SZT2: variants seen among roughly 807,000 people sequenced by gnomAD.
The protein encoded by SZT2 is SZT2 subunit of KICSTOR complex, also known as KICSTOR complex protein SZT2.
Under a neutral mutation model 404.2 loss-of-function variants are expected in SZT2, and 216 were observed. The observed-to-expected ratio is 0.53, with a 90% CI of 0.48 to 0.60. The LOEUF (loss-of-function observed/expected upper bound fraction) is 0.60, where lower values mean the gene tolerates loss of function less well. Ranked by LOEUF, SZT2 falls within the 20% of genes least tolerant of loss-of-function variation. The probability of loss-of-function intolerance (pLI) is 0.00; values close to 1 mark genes in which losing one functional copy is unlikely to be tolerated. For missense variants in SZT2, 3,857 were observed against 4,459.2 expected (o/e 0.86, Z 3.85); for synonymous variants, 1,693 against 1,749.9 (o/e 0.97, Z 0.81).
At chr1:43,394,088 A>T in intron 1 of SZT2, 1 of 985,220 alleles carries the variant, frequency 1.0e-6, no homozygotes, top group Non-Finnish European at 1.2e-6. Context: ...TCATATGAGG[A>T]CTTGAAGCTC....
chr1:43,430,249 C>T (rs1485009399), intron 30 of SZT2, 62 bp from the exon 31 acceptor site: 2 of 1,591,304 alleles, frequency 1.3e-6, no homozygotes, highest in South Asian at 1.1e-5. Context: ...TGTAATCCCA[C>T]TTGCCTAGGA....
At chr1:43,446,803 C>G in intron 65 of SZT2, 152 bp from the exon 66 acceptor site, 1 of 756,312 alleles carries the variant, frequency 1.3e-6, no homozygotes, top group Non-Finnish European at 2.1e-6. Context: ...AATGGGGAGG[C>G]CTTCCCACAG....
chr1:43,399,690 T>C (rs527731531), intron 1 of SZT2, among the ~76,000 whole-genome samples: 2 of 152,190 alleles, frequency 1.3e-5, no homozygotes, highest in South Asian at 4.2e-4. Flanking sequence ...CTCGATCTCC[T>C]GACCTCGTGA....
chr1:43,398,217 T>C (rs1649233824), intron 1 of SZT2, among the ~76,000 whole-genome samples: 1 of 152,182 alleles, frequency 6.6e-6, no homozygotes, highest in Admixed American at 6.5e-5. Context: ...TTGTACTAAT[T>C]ATGATTAGTT....
In SZT2 at chr1:43,445,883, C is replaced by G; in HGVS notation, c.8826-11C>G. ...CTGCCTCATCCTCTTATCCCTCCTC[C>G]TTTTCTATAGCACCAGCCGGCCACG... is the stretch of plus-strand genomic sequence containing the variant. On this transcript the variant is annotated splice_polypyrimidine_tract_variant and intron_variant, in intron 62 of 71. Coordinates refer to ENST00000634258, the MANE Select transcript of SZT2 (RefSeq NM_001365999.1). The G allele has an allele frequency of 6.2e-7, 1 of 1,614,092 alleles. No individual in the cohort carries two copies. The highest frequency in any genetic ancestry group is 8.5e-7 in the Non-Finnish European group (1 of 1,179,944).
chr1:43,452,634 G>A lies in SZT2; in HGVS notation c.*2154G>A. 1 of 596,342 alleles carries A rather than the reference G, an allele frequency of 1.7e-6. No individual in the cohort carries two copies. The highest frequency in any genetic ancestry group is 3.0e-6 in the Non-Finnish European group (1 of 334,066). The allele number at this position is 596,342 out of a possible 1,614,324, so 36.9% of individuals were successfully genotyped here. A position where few individuals can be genotyped will look rare whatever the true frequency, so the allele number is the denominator to read the frequency against. On this transcript the variant is annotated 3_prime_UTR_variant, in exon 72 of 72. Coordinates refer to ENST00000634258, the MANE Select transcript of SZT2 (RefSeq NM_001365999.1). ...ACCTTTAAAAATTGTCCTGACCTTT[G>A]CTTGCCCTTCTCAGGTATTCCATGC...
At position 43,425,296 on chromosome 1, in the gene SZT2, G is replaced by A. The variant is rs952874538; in HGVS notation, c.2645+89G>A. ...AGGTCTGGCTCCCATATCCTGAGAT[G>A]ATCTTGATCCCAAAGTCAGGGAGGG... On this transcript the variant is annotated intron_variant, in intron 18 of 71. Coordinates refer to ENST00000634258, the MANE Select transcript of SZT2 (RefSeq NM_001365999.1). The surrounding 1 kb of genome is among the most constrained non-coding windows in gnomAD (Gnocchi z 4.3). 2 of 1,548,982 alleles carry A rather than the reference G, an allele frequency of 1.3e-6. No individual in the cohort carries two copies. The highest frequency in any genetic ancestry group is 8.8e-7 in the Non-Finnish European group (1 of 1,132,176).
At chr1:43,421,018 A>C in intron 10 of SZT2, 35 bp downstream of exon 10, 2 of 1,594,776 alleles carry the variant, frequency 1.3e-6, no homozygotes, top group Non-Finnish European at 1.7e-6. Context: ...GTGCTGCCCC[A>C]TTTGTTGTAT....
At chr1:43,445,731 A>G in intron 62 of SZT2, 163 bp from the exon 63 acceptor site, 1 of 709,500 alleles carries the variant, frequency 1.4e-6, no homozygotes, top group Non-Finnish European at 2.5e-6. Flanking sequence ...CTTGCAGTCT[A>G]GACCTGGACT....
In SZT2 at chr1:43,430,338, A is replaced by T; in HGVS notation, c.4429A>T (p.Arg1477Ter). The T allele has an allele frequency of 1.2e-6, 2 of 1,611,628 alleles. No individual in the cohort carries two copies. Among genetic ancestry groups the T allele is most frequent in the Non-Finnish European group, 1.7e-6 (2 of 1,179,362 alleles). Residue 1477 changes from arginine (R) to a stop codon, truncating the protein, a stop_gained, in exon 31 of 72, where the codon AGA (arginine) becomes TGA (stop). Transcript: ENST00000634258. LOFTEE classifies it high-confidence loss of function. ...EDEGPRDTVDRKISDLEFSEA... is the reference protein window; with the variant it reads ...EDEGPRDTVD ...TGAGGGGCCTCGGGACACAGTAGAC[A>T]GAAAAATCAGTGACCTGGAGTTTTC...
At position 43,439,740 on chromosome 1, in the gene SZT2, G is replaced by T; in HGVS notation, c.7013G>T (p.Arg2338Leu). 6.2e-7 allele frequency: 1 copy of T among 1,605,192 alleles called. No individual in the cohort carries two copies. Among genetic ancestry groups the T allele is most frequent in the African/African-American group, 1.3e-5 (1 of 74,848 alleles). ...TTTGAGCAACTGACCCAGGTCATCC[G>T]CTGCCCGGTTGTTGTGGACAGTTCT... is the stretch of plus-strand genomic sequence containing the variant. The part of the protein sequence containing the change: ...EEFEQLTQVI[R>L]CPVVVDSSSA... The change falls in exon 50 of 72, where the codon CGC becomes CTC. Residue 2338 changes from arginine (R) to leucine (L), a missense_variant. Arg to Leu is a moderately radical substitution (Grantham distance 102). Coordinates refer to ENST00000634258, the MANE Select transcript of SZT2 (RefSeq NM_001365999.1). This position sits in a 1 kb window ranked among gnomAD's most constrained non-coding sequence, Gnocchi z 4.2.
At position 43,449,952 on chromosome 1, in the gene SZT2, C is replaced by T. The variant is rs1210825298; in HGVS notation, c.10087-151C>T. On this transcript the variant is annotated intron_variant, in intron 70 of 71. Coordinates refer to ENST00000634258, the MANE Select transcript of SZT2 (RefSeq NM_001365999.1). ...GCCAGCGAGGATGAGGACTGAGGCT[C>T]AATTTGGAGACACGGTCCTATGTGA... The T allele has an allele frequency of 6.8e-6, 6 of 878,876 alleles. No homozygotes were observed. In the Admixed American group the frequency reaches 8.1e-5, roughly 12 times the overall value. 54.4% of individuals were successfully genotyped at this position (878,876 alleles called of 1,614,324 possible).
chr1:43,446,929 C>T, intron 65 of SZT2, 26 bp from the exon 66 acceptor site: 3 of 1,599,604 alleles, frequency 1.9e-6, no homozygotes, highest in South Asian at 2.2e-5. Context: ...ATACCTTAAC[C>T]CTGTCTCCTG....
rs370044946 is a variant in SZT2 at position 43,441,673 on chromosome 1, C to T, written c.7610-13C>T. 114 of 1,614,020 alleles carry T rather than the reference C, an allele frequency of 7.1e-5. 1 individual carries two copies. The highest frequency in any genetic ancestry group is 8.7e-5 in the Non-Finnish European group (103 of 1,180,006). Reference sequence around the variant, plus strand: ...CCATCCTGCAGCTCCACAGTGACTCCTCTGCCTCCTAGGTTGTGCCTCAGT... The same window carrying T: ...CCATCCTGCAGCTCCACAGTGACTCTTCTGCCTCCTAGGTTGTGCCTCAGT... On this transcript the variant is annotated splice_polypyrimidine_tract_variant and intron_variant, in intron 54 of 71. Transcript: ENST00000634258. The surrounding 1 kb of genome is among the most constrained non-coding windows in gnomAD (Gnocchi z 4.8).
At chr1:43,395,833 T>A (rs372614290) in intron 1 of SZT2, among the ~76,000 whole-genome samples, 13 of 152,346 alleles carry the variant, frequency 8.5e-5, no homozygotes, top group African/African-American at 3.1e-4. Context: ...CATGCATGCT[T>A]ACCTTGCCTT....
rs1419150670 is a variant in SZT2 at position 43,442,497 on chromosome 1, C to T, written c.8030C>T (p.Ala2677Val). ...GACCTGGGGGCAGCATTGGGCCGAG[C>T]GCTGGTTCGCCTGGTGCAGTGGCAG... ...APDLGAALGRALVRLVQWQNA... is the reference protein window; with the variant it reads ...APDLGAALGRVLVRLVQWQNA... The change falls in exon 58 of 72, where the codon GCG becomes GTG. Residue 2677 changes from alanine to valine, a missense_variant. Physicochemically the swap from Ala to Val is moderately conservative, Grantham distance 64 (BLOSUM62 0). This residue lies in a region of SZT2 where 573 missense variants were observed against 592.4 expected (regional missense o/e 0.97). Transcript: ENST00000634258. The surrounding 1 kb of genome is among the most constrained non-coding windows in gnomAD (Gnocchi z 4.5). 6 of 1,614,002 alleles carry T rather than the reference C, an allele frequency of 3.7e-6. No individual in the cohort carries two copies. The highest frequency in any genetic ancestry group is 2.7e-5 in the African/African-American group (2 of 74,926).
In SZT2 at chr1:43,447,008, G is replaced by A. The variant is rs1362360430; in HGVS notation, c.9126G>A (p.Val3042=). The A allele has an allele frequency of 1.2e-6, 2 of 1,613,766 alleles. No individual in the cohort carries two copies. ...ECDKVRDLMH[V]HSFSYDFHLR... ...ACAAGGTGCGGGACCTGATGCACGTGCACTCGTTCAGCTATGACTTCCATC... is the reference window on the plus strand; with the variant it reads ...ACAAGGTGCGGGACCTGATGCACGTACACTCGTTCAGCTATGACTTCCATC... The change falls in exon 66 of 72, where the codon GTG becomes GTA. Residue 3042 remains valine, a synonymous_variant. Coordinates refer to ENST00000634258, the MANE Select transcript of SZT2 (RefSeq NM_001365999.1).
intron 1 of SZT2, 125 bp from the exon 2 acceptor site, chr1:43,403,052 C>G: frequency 1.9e-6 from 2 of 1,046,018 alleles, no homozygotes; most frequent in Non-Finnish European, 1.4e-6. Flanking sequence ...GTAAACTTTT[C>G]ACTTCTGCTG....
At chr1:43,416,161 A>C in intron 6 of SZT2, 60 bp downstream of exon 6, 1 of 1,564,674 alleles carries the variant, frequency 6.4e-7, no homozygotes, top group Non-Finnish European at 8.6e-7. Flanking sequence ...GGTGGGGCTG[A>C]CTGCTAACAA....
Sources: allele counts gnomAD v4.1 joint callset (sites outside exome capture counted in the v4.1 genomes callset), GRCh38; gene constraint gnomAD v4.1.1; regional missense constraint gnomAD v4.1.1; non-coding constraint Gnocchi (gnomAD v3.1); transcripts MANE v1.5; gene names NCBI Gene and HGNC (gene_info 2026-07-23, HGNC 2026-07-21).